ATP2C1: variants seen among roughly 807,000 people sequenced by gnomAD.
ATP2C1 encodes the protein ATPase secretory pathway Ca2+ transporting 1.
ATP2C1 carries 31 observed loss-of-function variants against 120.5 expected under a neutral mutation model. The ratio of observed to expected loss-of-function variants is 0.26; its 90% CI spans 0.19 to 0.35. The LOEUF is 0.35. Among genes scored for constraint, ATP2C1 ranks in the 10% least tolerant of loss-of-function variants. The pLI is 1.00. For missense variants in ATP2C1, 731 were observed against 1,107.5 expected (o/e 0.66, Z 4.83); for synonymous variants, 351 against 358.7 (o/e 0.98, Z 0.24).
At chr3:130,944,448 T>C (rs769966319) in intron 8 of ATP2C1, among the ~76,000 whole-genome samples, 4 of 152,202 alleles carry the variant, frequency 2.6e-5, no homozygotes, top group Non-Finnish European at 5.9e-5. Context: ...GGACTGTTGC[T>C]AGCTTGAGAT....
intron 2 of ATP2C1, among the ~76,000 whole-genome samples, chr3:130,900,327 G>T (rs1480862231): frequency 6.6e-6 from 1 of 152,174 alleles, no homozygotes; most frequent in East Asian, 1.9e-4. Context: ...CTCCCAAATT[G>T]TTGGAATTAT....
chr3:131,010,348 A>G (rs1428065489), intron 26 of ATP2C1, among the ~76,000 whole-genome samples: 1 of 151,406 alleles, frequency 6.6e-6, no homozygotes, highest in East Asian at 1.9e-4. Context: ...CCGCCACCAC[A>G]CCCGGCTGAT....
intron 20 of ATP2C1, among the ~76,000 whole-genome samples, chr3:130,992,396 G>A (rs529396824): frequency 6.6e-6 from 1 of 151,872 alleles, no homozygotes; most frequent in South Asian, 2.1e-4. Context: ...CAGGAGATGG[G>A]GTCAGAAAAA....
At chr3:130,875,879 G>T (rs1405464053) in intron 1 of ATP2C1, among the ~76,000 whole-genome samples, 2 of 148,990 alleles carry the variant, frequency 1.3e-5, no homozygotes, top group Non-Finnish European at 3.0e-5. Flanking sequence ...TAGTGATGTC[G>T]AGTGTTTTTT....
In ATP2C1 at chr3:130,925,919, C is replaced by T. The variant is rs549950194; in HGVS notation, c.7-4497C>T. Among the ~76,000 whole-genome samples, 7 of 152,256 alleles carry T rather than the reference C, an allele frequency of 4.6e-5. No individual in the cohort carries two copies. The East Asian group carries it at 1.4e-3, about 29-fold the overall frequency. ...GGAAGTGGGGGAAAGCTGGCAGTCA[C>T]AGACCTTACCTTGCTTCCATGCAAC... On this transcript the variant is annotated intron_variant, in intron 2 of 27. Coordinates refer to ENST00000510168, the MANE Select transcript of ATP2C1 (RefSeq NM_001378687.1).
At position 130,883,423 on chromosome 3, in the gene ATP2C1, G is replaced by C. The variant is rs540314220; in HGVS notation, c.108+32495G>C. ...CTATTGCTTTTCTAATTTTTTTAAA[G>C]ATGTATCATTAGGATATTTATTTGA... On this transcript the variant is annotated intron_variant, in intron 1 of 26. Coordinates refer to the ATP2C1 transcript ENST00000504381. 1.4e-4 allele frequency among the ~76,000 whole-genome samples: 21 copies of C among 150,022 alleles called. No individual in the cohort carries two copies. In the East Asian group the frequency reaches 3.5e-3, roughly 25 times the overall value.
chr3:130,898,300 T>C (rs918087606), intron 2 of ATP2C1, among the ~76,000 whole-genome samples: 1 of 152,218 alleles, frequency 6.6e-6, no homozygotes, highest in Non-Finnish European at 1.5e-5. Context: ...ATTTACACTT[T>C]ACTTTTAAAA....
At chr3:130,989,722 A>G (rs2062225032) in intron 20 of ATP2C1, among the ~76,000 whole-genome samples, 1 of 152,132 alleles carries the variant, frequency 6.6e-6, no homozygotes, top group African/African-American at 2.4e-5. Flanking sequence ...TGTTTTGTTC[A>G]ATTCTTTGTT....
At chr3:130,874,723 G>C (rs754838667) in intron 1 of ATP2C1, among the ~76,000 whole-genome samples, 1 of 152,140 alleles carries the variant, frequency 6.6e-6, no homozygotes, top group South Asian at 2.1e-4. Context: ...GCCATTCTTA[G>C]TATTGTCTTT....
chr3:130,905,693 G>A (rs527883532), intron 2 of ATP2C1, among the ~76,000 whole-genome samples: 15 of 152,004 alleles, frequency 9.9e-5, no homozygotes, highest in Non-Finnish European at 2.2e-4. Context: ...CCTACATCCT[G>A]TTTCATCATA....
At chr3:130,998,151 A>G (rs2062719516) in intron 25 of ATP2C1, 143 bp from the exon 26 acceptor site, 4 of 685,668 alleles carry the variant, frequency 5.8e-6, no homozygotes, top group Non-Finnish European at 1.0e-5. Context: ...TTTATAGGAA[A>G]TTTAGGTAGC....
intron 1 of ATP2C1, among the ~76,000 whole-genome samples, chr3:130,867,580 A>C (rs862368): frequency 1.3e-5 from 2 of 148,342 alleles, no homozygotes; most frequent in African/African-American, 2.5e-5. Flanking sequence ...ACGGAGTCTC[A>C]TTCACTCAGT....
chr3:130,884,279 G>C (rs903924483), intron 1 of ATP2C1, among the ~76,000 whole-genome samples: 5 of 152,120 alleles, frequency 3.3e-5, no homozygotes, highest in Non-Finnish European at 7.4e-5. Flanking sequence ...GGTCATTCAG[G>C]AGCATATTGT....
chr3:130,955,191 A>T, intron 10 of ATP2C1, 111 bp downstream of exon 10: 1 of 778,146 alleles, frequency 1.3e-6, no homozygotes, highest in Non-Finnish European at 2.2e-6. Flanking sequence ...TTTTATTCAG[A>T]ATGGAAATCA....
At chr3:130,937,133 A>G (rs2059708402) in intron 5 of ATP2C1, among the ~76,000 whole-genome samples, 2 of 152,332 alleles carry the variant, frequency 1.3e-5, no homozygotes, top group South Asian at 4.1e-4. Flanking sequence ...GAAAAATTTG[A>G]TATGGTAAAT....
intron 2 of ATP2C1, among the ~76,000 whole-genome samples, chr3:130,914,889 A>G (rs1010208009): frequency 4.6e-5 from 7 of 152,232 alleles, no homozygotes; most frequent in African/African-American, 1.4e-4. Flanking sequence ...GTGAATAAGT[A>G]TGAGAACCAT....
Position 130,998,274 on chromosome 3 carries a change from T to C in ATP2C1, c.2392-20T>C, listed in dbSNP as rs1312410155. ...TAAATTCAGCCACTGAAAAGTAATTTTGTTATTGCCTCTTGACAGCTACGA... is the reference window on the plus strand; with the variant it reads ...TAAATTCAGCCACTGAAAAGTAATTCTGTTATTGCCTCTTGACAGCTACGA... On this transcript the variant is annotated intron_variant, in intron 25 of 27. Coordinates refer to ENST00000510168, the MANE Select transcript of ATP2C1 (RefSeq NM_001378687.1). The C allele has an allele frequency of 2.6e-6, 4 of 1,537,528 alleles. No homozygotes were observed. The highest frequency in any genetic ancestry group is 9.0e-7 in the Non-Finnish European group (1 of 1,110,348).
In ATP2C1 at chr3:130,940,634, A is replaced by G. The variant is rs2059850884; in HGVS notation, c.365A>G (p.Tyr122Cys). Residue 122 changes from tyrosine to cysteine, a missense_variant, in exon 7 of 28, where the codon TAT becomes TGT. Coordinates refer to ENST00000510168, the MANE Select transcript of ATP2C1 (RefSeq NM_001378687.1). ...TACTTTTTTTTGTTTGAATAGGAAT[A>G]TCGTTCAGAAAAATCTCTTGAAGAA... is the stretch of plus-strand genomic sequence containing the variant. ...IVVTVAFVQE[Y>C]RSEKSLEELS... 1.2e-6 allele frequency: 2 copies of G among 1,607,896 alleles called. No homozygotes were observed. Among genetic ancestry groups the G allele is most frequent in the Non-Finnish European group, 8.5e-7 (1 of 1,174,762 alleles).
At chr3:130,893,818 C>A (rs1469400141), upstream of ATP2C1, 2 of 552,006 alleles carry the variant, frequency 3.6e-6, no homozygotes, top group African/African-American at 2.0e-5. Flanking sequence ...GTAAGGGAGG[C>A]GCCAGCAAGA....
Sources: allele counts gnomAD v4.1 joint callset (sites outside exome capture counted in the v4.1 genomes callset), GRCh38; gene constraint gnomAD v4.1.1; transcripts MANE v1.5; gene names NCBI Gene and HGNC (gene_info 2026-07-23, HGNC 2026-07-21).